PCDHGA2: variants seen among roughly 807,000 people sequenced by gnomAD.
PCDHGA2 encodes the protein protocadherin gamma subfamily A, 2, also known as protocadherin gamma-A2.
A neutral mutation model predicts 59.2 loss-of-function variants in PCDHGA2; 40 were observed. The observed-to-expected ratio is 0.68, with a 90% CI of 0.52 to 0.88. The LOEUF (loss-of-function observed/expected upper bound fraction) is 0.88. Ranked by LOEUF, PCDHGA2 falls within the 40% of genes least tolerant of loss-of-function variation. The pLI is 0.00. For missense variants in PCDHGA2, 1,226 were observed against 1,204.0 expected (o/e 1.02, Z -0.27); for synonymous variants, 560 against 526.0 (o/e 1.06, Z -0.89).
chr5:141,500,043 T>A (rs1240979831), intron 2 of PCDHGA2, among the ~76,000 whole-genome samples: 1 of 152,048 alleles, frequency 6.6e-6, no homozygotes, highest in East Asian at 1.9e-4. Flanking sequence ...CTCTTAAGTA[T>A]CTTAATGCTC....
In PCDHGA2 at chr5:141,431,508, G is replaced by A. The variant is rs774545870; in HGVS notation, c.2425-63299G>A. ...TTTGCTCAGCCCGAGTACCGCGCGA[G>A]CGTTCCGGAGAATCTGGCCTTGGGC... On this transcript the variant is annotated intron_variant, in intron 1 of 3. Coordinates refer to ENST00000394576, the MANE Select transcript of PCDHGA2 (RefSeq NM_018915.4). The surrounding 1 kb of genome is among the most constrained non-coding windows in gnomAD (Gnocchi z 4.8). 12 of 1,613,914 alleles carry A rather than the reference G, an allele frequency of 7.4e-6. No individual in the cohort carries two copies. Among genetic ancestry groups the A allele is most frequent in the East Asian group, 2.2e-5 (1 of 44,904 alleles).
intron 2 of PCDHGA2, among the ~76,000 whole-genome samples, chr5:141,497,290 C>A (rs182104163): frequency 4.7e-4 from 72 of 152,184 alleles, no homozygotes; most frequent in Middle Eastern, 3.4e-3. Flanking sequence ...CTCTACCTAC[C>A]ACCACCCCAG....
At chr5:141,415,895 G>A in intron 1 of PCDHGA2, 1 of 898,210 alleles carries the variant, frequency 1.1e-6, no homozygotes, top group Non-Finnish European at 1.5e-6. Flanking sequence ...CAATTCCTAA[G>A]ACAGACTTCC....
chr5:141,482,923 AT>A (rs1193255251), intron 1 of PCDHGA2, among the ~76,000 whole-genome samples: 10 of 152,074 alleles, frequency 6.6e-5, no homozygotes, highest in Non-Finnish European at 1.5e-4. Context: ...AATACAAAAA[AT>A]TAGCCAGGTG....
chr5:141,488,450 C>T (rs2154581002), intron 1 of PCDHGA2, among the ~76,000 whole-genome samples: 1 of 152,314 alleles, frequency 6.6e-6, no homozygotes, highest in East Asian at 1.9e-4. Context: ...TCCTGGGTGA[C>T]CTGATTCAGC....
chr5:141,369,242 A>G (rs1766108609), intron 1 of PCDHGA2, among the ~76,000 whole-genome samples: 1 of 152,200 alleles, frequency 6.6e-6, no homozygotes, highest in South Asian at 2.1e-4. Flanking sequence ...TTACTTATAT[A>G]ATTAAATAAT....
intron 1 of PCDHGA2, chr5:141,345,617 A>G: frequency 6.2e-7 from 1 of 1,614,162 alleles, no homozygotes; most frequent in Non-Finnish European, 8.5e-7. Context: ...TTAGAGACTT[A>G]AAGCTACTGG....
chr5:141,362,458 G>T (rs1762514954), intron 1 of PCDHGA2: 2 of 1,614,038 alleles, frequency 1.2e-6, no homozygotes, highest in Non-Finnish European at 1.7e-6. Flanking sequence ...CCCGGAATTG[G>T]TTCCCGCGCA....
chr5:141,370,632 G>A (rs1393089776), intron 1 of PCDHGA2: 15 of 1,613,802 alleles, frequency 9.3e-6, no homozygotes, highest in Non-Finnish European at 1.3e-5. Context: ...CGTGAGCCCC[G>A]AAAATGGGAA....
rs373558342 is a variant in PCDHGA2 at position 141,374,559 on chromosome 5, A to C, written c.2424+33164A>C. 1.1e-4 allele frequency: 170 copies of C among 1,613,544 alleles called. No homozygotes were observed. The highest frequency in any genetic ancestry group is 1.3e-4 in the Non-Finnish European group (153 of 1,179,694). ...CGTTTTCCACTAATGGAGGTCTATG[A>C]CCCTGATGTGGGAATGAACTCCCTT... is the stretch of plus-strand genomic sequence containing the variant. On this transcript the variant is annotated intron_variant, in intron 1 of 3. Coordinates refer to ENST00000394576, the MANE Select transcript of PCDHGA2 (RefSeq NM_018915.4).
intron 1 of PCDHGA2, among the ~76,000 whole-genome samples, chr5:141,429,377 GT>G (rs566693637): frequency 1.3e-4 from 20 of 149,526 alleles, no homozygotes; most frequent in South Asian, 8.5e-4. Flanking sequence ...GAGAAAATGT[GT>G]TTTTTTTTTA....
At chr5:141,480,059 T>G (rs1169389701) in intron 1 of PCDHGA2, among the ~76,000 whole-genome samples, 1 of 152,096 alleles carries the variant, frequency 6.6e-6, no homozygotes, top group African/African-American at 2.4e-5. Context: ...GAATAATAAG[T>G]GTTTTATAAG....
At chr5:141,399,856 G>A (rs1391939612) in intron 1 of PCDHGA2, 1 of 1,612,894 alleles carries the variant, frequency 6.2e-7, no homozygotes, top group Non-Finnish European at 8.5e-7. Flanking sequence ...GGTGCCGCGC[G>A]CTGCAGAGCC....
rs763104309 is a variant in PCDHGA2, at chr5:141,432,042, G to A, written c.2425-62765G>A. 5 of 1,614,090 alleles carry A rather than the reference G, an allele frequency of 3.1e-6. No homozygotes were observed. The African/African-American group carries it at 6.7e-5, about 22-fold the overall frequency. ...ATCACAGTGACCGCCACTGACCGGG[G>A]AACCCCGCCCCTATCCACGGAAACT... On this transcript the variant is annotated intron_variant, in intron 1 of 3. Transcript: ENST00000394576. The surrounding 1 kb of genome is among the most constrained non-coding windows in gnomAD (Gnocchi z 6.0).
chr5:141,506,061 G>A (rs1260513343), intron 3 of PCDHGA2, among the ~76,000 whole-genome samples: 2 of 152,144 alleles, frequency 1.3e-5, no homozygotes, highest in Non-Finnish European at 2.9e-5. Flanking sequence ...GGTTGACTAA[G>A]GGCTTCCTTT....
chr5:141,428,001 T>C (rs149531447), intron 1 of PCDHGA2: 1 of 1,601,704 alleles, frequency 6.2e-7, no homozygotes, highest in Admixed American at 1.7e-5. Flanking sequence ...CTCCGCACTC[T>C]TCGATATAGT....
chr5:141,511,267 C>A lies in PCDHGA2; in HGVS notation c.*94C>A, dbSNP rs1223074819. The A allele has an allele frequency of 6.5e-7, 1 of 1,549,404 alleles. No individual in the cohort carries two copies. Among genetic ancestry groups the A allele is most frequent in the Non-Finnish European group, 8.7e-7 (1 of 1,146,836 alleles). Reference sequence around the variant, plus strand: ...CCAGGCCTCAGAGTTTCAGGGCTAACCCCCAGAATACTGGTAGGGGCCAAG... The same window carrying A: ...CCAGGCCTCAGAGTTTCAGGGCTAAACCCCAGAATACTGGTAGGGGCCAAG... On this transcript the variant is annotated 3_prime_UTR_variant, in exon 4 of 4. Coordinates refer to ENST00000394576, the MANE Select transcript of PCDHGA2 (RefSeq NM_018915.4).
chr5:141,400,453 C>T (rs1329103788), intron 1 of PCDHGA2: 1 of 1,614,056 alleles, frequency 6.2e-7, no homozygotes, highest in Admixed American at 1.7e-5. Context: ...ACAAGACATA[C>T]TTTGTGGTGA....
At chr5:141,452,082 T>C (rs924362905) in intron 1 of PCDHGA2, among the ~76,000 whole-genome samples, 6 of 152,358 alleles carry the variant, frequency 3.9e-5, no homozygotes, top group Admixed American at 6.5e-5. Flanking sequence ...GTTGGCATTA[T>C]ACAGTAAGAA....
Sources: gnomAD v4.1 joint callset for allele counts (sites outside exome capture counted in the v4.1 genomes callset) on GRCh38, gnomAD v4.1.1 for gene constraint, Gnocchi (gnomAD v3.1) non-coding constraint, MANE v1.5 for transcripts, NCBI Gene and HGNC (gene_info 2026-07-23, HGNC 2026-07-21) for gene names.